SMARCC1: variants seen among roughly 807,000 people sequenced by gnomAD.
SMARCC1 encodes the protein SWI/SNF related BAF chromatin remodeling complex subunit C1.
SMARCC1 carries 43 observed loss-of-function variants against 147.4 expected under a neutral mutation model. That is an observed-to-expected ratio of 0.29 (90% confidence interval 0.23 to 0.38). The LOEUF (loss-of-function observed/expected upper bound fraction) is 0.38. SMARCC1 is among the 10% of genes least tolerant of loss of function. The pLI, the probability that SMARCC1 is intolerant of heterozygous loss-of-function variation, is 1.00. For missense variants in SMARCC1, 1,119 were observed against 1,381.1 expected (o/e 0.81, Z 3.01); for synonymous variants, 495 against 484.4 (o/e 1.02, Z -0.29).
Position 47,693,315 on chromosome 3 carries a change from A to G in SMARCC1, c.1166-15T>C. ...CTTTAGGTTCACTAGAAAAAGAAAA[A>G]AAAGAGTTATGTTTATGTGGGAAAA... On this transcript the variant is annotated splice_polypyrimidine_tract_variant and intron_variant, in intron 11 of 27. Coordinates refer to ENST00000254480, the MANE Select transcript of SMARCC1 (RefSeq NM_003074.4). 1 of 1,462,876 alleles carries G rather than the reference A, an allele frequency of 6.8e-7. No individual in the cohort carries two copies. Among genetic ancestry groups the G allele is most frequent in the Non-Finnish European group, 9.6e-7 (1 of 1,044,802 alleles). The allele number at this position is 1,462,876 out of a possible 1,614,324, so 90.6% of individuals were successfully genotyped here. A position where few individuals can be genotyped will look rare whatever the true frequency, so the allele number is the denominator to read the frequency against.
In SMARCC1 at chr3:47,587,231, CT is replaced by C. The variant is rs368515459; in HGVS notation, c.*977del. ...GAGCTAAAATATTTAGCACTATCTA[CT>C]TTTTTTTTTCTTTTAAAGGGTTTTT... is the stretch of plus-strand genomic sequence containing the variant. On this transcript the variant is annotated 3_prime_UTR_variant, in exon 28 of 28. Coordinates refer to ENST00000254480, the MANE Select transcript of SMARCC1 (RefSeq NM_003074.4). 1.9e-4 allele frequency: 28 copies of C among 150,080 alleles called. No individual in the cohort carries two copies. Among genetic ancestry groups the C allele is most frequent in the African/African-American group, 4.2e-4 (17 of 40,826 alleles). The allele number at this position is 150,080 out of a possible 1,614,324, so 9.3% of individuals were successfully genotyped here. A position where few individuals can be genotyped will look rare whatever the true frequency, so the allele number is the denominator to read the frequency against.
intron 6 of SMARCC1, among the ~76,000 whole-genome samples, chr3:47,726,018 C>CAT: frequency 7.3e-6 from 1 of 137,154 alleles, no homozygotes; most frequent in Non-Finnish European, 1.5e-5. Flanking sequence ...GCCAAGATCA[C>CAT]GCCACTGCAC....
At chr3:47,780,562 T>C (rs2035034313) in intron 1 of SMARCC1, among the ~76,000 whole-genome samples, 1 of 152,108 alleles carries the variant, frequency 6.6e-6, no homozygotes, top group Admixed American at 6.6e-5. Context: ...GCCAAAAAAA[T>C]AGGTTCCTAA....
intron 2 of SMARCC1, among the ~76,000 whole-genome samples, chr3:47,746,974 C>A (rs1056052756): frequency 1.3e-5 from 2 of 151,914 alleles, no homozygotes; most frequent in South Asian, 4.2e-4. Flanking sequence ...AGGTGATCTG[C>A]CCGCCTCAAC....
At chr3:47,646,154 T>TA (rs767842204) in intron 21 of SMARCC1, among the ~76,000 whole-genome samples, 7 of 152,092 alleles carry the variant, frequency 4.6e-5, no homozygotes, top group Non-Finnish European at 7.4e-5. Context: ...ACCCTGTCTC[T>TA]AAAAAAAATA....
intron 11 of SMARCC1, among the ~76,000 whole-genome samples, chr3:47,696,077 A>AGGG (rs56779302): frequency 2.0e-4 from 5 of 25,132 alleles, no homozygotes; most frequent in Non-Finnish European, 6.5e-4. Context: ...AAAAAAAAAA[A>AGGG]GGGGGGGGGG....
chr3:47,737,827 T>TC (rs1206309591), intron 4 of SMARCC1, among the ~76,000 whole-genome samples: 1 of 150,680 alleles, frequency 6.6e-6, no homozygotes, highest in Non-Finnish European at 1.5e-5. Flanking sequence ...GGCTAATTTT[T>TC]TTTTTTTTTT....
intron 24 of SMARCC1, among the ~76,000 whole-genome samples, chr3:47,624,811 T>C (rs1188748316): frequency 1.3e-5 from 2 of 151,714 alleles, no homozygotes; most frequent in East Asian, 1.9e-4. Context: ...TCCCAGCACT[T>C]TGGGAAGGCG....
intron 26 of SMARCC1, chr3:47,603,598 C>G (rs2032423292): frequency 5.3e-6 from 1 of 189,138 alleles, no homozygotes; most frequent in African/African-American, 2.4e-5. Context: ...GAATACCACA[C>G]ATGTGCTTAA....
intron 15 of SMARCC1, among the ~76,000 whole-genome samples, chr3:47,679,300 A>G (rs1490048005): frequency 1.3e-5 from 2 of 152,152 alleles, no homozygotes; most frequent in Non-Finnish European, 2.9e-5. Flanking sequence ...ACTTATATAT[A>G]GGGACAAGGG....
At chr3:47,714,147 C>T (rs1013167765) in intron 8 of SMARCC1, among the ~76,000 whole-genome samples, 1 of 152,120 alleles carries the variant, frequency 6.6e-6, no homozygotes, top group Non-Finnish European at 1.5e-5. Flanking sequence ...GCCGATCACC[C>T]GAGGTCGGGA....
intron 7 of SMARCC1, among the ~76,000 whole-genome samples, chr3:47,715,840 A>G (rs1576420096): frequency 6.6e-6 from 1 of 151,706 alleles, no homozygotes; most frequent in East Asian, 1.9e-4. Context: ...GCCTGCATAC[A>G]CTCTACACAG....
chr3:47,719,143 TG>T lies in SMARCC1; in HGVS notation c.716+1522del, dbSNP rs372237882. Among the ~76,000 whole-genome samples, 145 of 152,058 alleles carry T rather than the reference TG, an allele frequency of 9.5e-4. No individual in the cohort carries two copies. In the South Asian group the frequency reaches 0.027, roughly 29 times the overall value. On this transcript the variant is annotated intron_variant, in intron 7 of 27. Coordinates refer to ENST00000254480, the MANE Select transcript of SMARCC1 (RefSeq NM_003074.4). ...GTTAGCCAGGATGGTCTCAGTCTCC[TG>T]ACCTCGTGATCCGCCCGCCTTGGCC...
In SMARCC1 at chr3:47,616,360, GCCTTT is replaced by G. The variant is rs762226413; in HGVS notation, c.2781+5842_2781+5846del. ...GATATACTCTGTAACTTCCATAACT[GCCTTT>G]CCTTTAATATTAATGCTTTAAAATA... On this transcript the variant is annotated intron_variant, in intron 25 of 27. Coordinates refer to ENST00000254480, the MANE Select transcript of SMARCC1 (RefSeq NM_003074.4). Among the ~76,000 whole-genome samples, 153 of 152,208 alleles carry G rather than the reference GCCTTT, an allele frequency of 1.0e-3. 1 individual carries two copies. The highest frequency in any genetic ancestry group is 3.4e-3 in the Middle Eastern group (1 of 294).
intron 1 of SMARCC1, 126 bp from the exon 2 acceptor site, chr3:47,773,062 G>C: frequency 9.8e-6 from 7 of 714,038 alleles, no homozygotes; most frequent in Non-Finnish European, 1.3e-5. Context: ...GACACGCTCT[G>C]TGCTATAAAG....
chr3:47,620,837 T>A (rs2032720876), intron 25 of SMARCC1, among the ~76,000 whole-genome samples: 2 of 152,192 alleles, frequency 1.3e-5, no homozygotes. Context: ...CTAGTATTTA[T>A]TTTGAAGAAG....
chr3:47,657,702 A>T (rs1391631627), intron 21 of SMARCC1, among the ~76,000 whole-genome samples: 2 of 152,082 alleles, frequency 1.3e-5, no homozygotes, highest in Non-Finnish European at 2.9e-5. Context: ...TAATCCAGGT[A>T]CTCGGGAGGC....
chr3:47,695,270 T>C (rs2033835245), intron 11 of SMARCC1, among the ~76,000 whole-genome samples: 1 of 152,106 alleles, frequency 6.6e-6, no homozygotes, highest in African/African-American at 2.4e-5. Context: ...GGAGGTGAAG[T>C]CTGCAGTGAG....
At chr3:47,615,028 C>G (rs2032619296) in intron 25 of SMARCC1, among the ~76,000 whole-genome samples, 1 of 152,192 alleles carries the variant, frequency 6.6e-6, no homozygotes, top group Admixed American at 6.5e-5. Flanking sequence ...GTTTCCAGCA[C>G]CTAGAAGTGC....
Sources: allele counts gnomAD v4.1 joint callset (sites outside exome capture counted in the v4.1 genomes callset), GRCh38; gene constraint gnomAD v4.1.1; transcripts MANE v1.5; gene names NCBI Gene and HGNC (gene_info 2026-07-23, HGNC 2026-07-21).